MAP4: variants seen among roughly 807,000 people sequenced by gnomAD.
MAP4 encodes the protein microtubule associated protein 4.
Under a neutral mutation model 170.2 loss-of-function variants are expected in MAP4, and 76 were observed. That is an observed-to-expected ratio of 0.45 (90% CI 0.37 to 0.54). The LOEUF (loss-of-function observed/expected upper bound fraction) is 0.54, where lower values mean the gene tolerates loss of function less well. Among genes scored for constraint, MAP4 ranks in the 20% least tolerant of loss-of-function variants. The probability of loss-of-function intolerance (pLI) is 0.00; values close to 1 mark genes in which losing one functional copy is unlikely to be tolerated. For synonymous variants in MAP4, 909 were observed against 994.5 expected (o/e 0.91, Z 1.62); for missense variants, 2,506 against 2,748.0 (o/e 0.91, Z 1.97).
intron 6 of MAP4, among the ~76,000 whole-genome samples, chr3:47,917,865 TGA>T (rs1233307950): frequency 6.6e-6 from 1 of 152,200 alleles, no homozygotes; most frequent in African/African-American, 2.4e-5. Context: ...TTTTGTTTTT[TGA>T]GACACGGTCT....
chr3:48,004,416 A>C (rs1437117047), intron 1 of MAP4, among the ~76,000 whole-genome samples: 2 of 152,348 alleles, frequency 1.3e-5, no homozygotes, highest in East Asian at 3.9e-4. Flanking sequence ...GTGGAAAACC[A>C]ACGAACATAA....
At chr3:48,054,385 G>A (rs2100129501) in intron 1 of MAP4, among the ~76,000 whole-genome samples, 1 of 152,034 alleles carries the variant, frequency 6.6e-6, no homozygotes, top group South Asian at 2.1e-4. Context: ...CACTTTGGGA[G>A]GCCAAGGTGG....
rs547013794 is a variant in MAP4 at position 47,953,546 on chromosome 3, T to TA, written c.292+24318dup. Among the ~76,000 whole-genome samples the TA allele has an allele frequency of 6.1e-4, 93 of 151,922 alleles. No individual in the cohort carries two copies. In the South Asian group the frequency reaches 0.01, roughly 16 times the overall value. On this transcript the variant is annotated intron_variant, in intron 3 of 20. Transcript: ENST00000683076. ...CTAAATAAATAAATAAAACTTTCTT[T>TA]AAAAAAGAGTCCACTATGTTTAATG...
intron 1 of MAP4, among the ~76,000 whole-genome samples, chr3:48,073,276 C>T (rs1029097157): frequency 6.6e-5 from 10 of 150,424 alleles, no homozygotes; most frequent in Non-Finnish European, 1.3e-4. Context: ...CACACACACA[C>T]ACACACACAC....
chr3:47,963,573 C>T (rs1270237231), intron 3 of MAP4, among the ~76,000 whole-genome samples: 4 of 152,162 alleles, frequency 2.6e-5, no homozygotes, highest in African/African-American at 9.7e-5. Flanking sequence ...AGAATTATTA[C>T]GATTGTATCT....
At chr3:47,976,343 A>G (rs182231572) in intron 3 of MAP4, among the ~76,000 whole-genome samples, 3 of 152,258 alleles carry the variant, frequency 2.0e-5, no homozygotes, top group Admixed American at 2.0e-4. Flanking sequence ...TGCTACACAG[A>G]GTTTGAGTCT....
intron 1 of MAP4, among the ~76,000 whole-genome samples, chr3:48,028,813 T>C (rs1002273583): frequency 6.7e-6 from 1 of 149,618 alleles, no homozygotes; most frequent in Non-Finnish European, 1.5e-5. Flanking sequence ...GTAATTCCTT[T>C]AGAACATAAT....
intron 19 of MAP4, among the ~76,000 whole-genome samples, chr3:47,854,324 C>T (rs2149702374): frequency 6.6e-6 from 1 of 152,210 alleles, no homozygotes; most frequent in East Asian, 1.9e-4. Flanking sequence ...AACTGAGAGC[C>T]TGTGGCAGCA....
chr3:47,858,133 C>T (rs2059678403), intron 17 of MAP4, among the ~76,000 whole-genome samples: 1 of 151,626 alleles, frequency 6.6e-6, no homozygotes, highest in African/African-American at 2.4e-5. Flanking sequence ...TCTGCCTCAG[C>T]CTCTGGAGTA....
chr3:47,916,858 G>A lies in MAP4; in HGVS notation c.969C>T (p.Pro323=). Residue 323 remains proline (P), a synonymous_variant, in exon 7 of 21, where the codon CCC becomes CCT. Coordinates refer to ENST00000683076, the MANE Select transcript of MAP4 (RefSeq NM_001385682.1). ...TGGCTGAAGATACATCTGTTTCTGT[G>A]GGCCATCTGACATCCTTAACCAGGG... ...EVALVKDVRW[P]TETDVSSAKN... The A allele has an allele frequency of 1.2e-6, 2 of 1,614,182 alleles. No individual in the cohort carries two copies. Among genetic ancestry groups the A allele is most frequent in the South Asian group, 2.2e-5 (2 of 91,078 alleles).
intron 3 of MAP4, among the ~76,000 whole-genome samples, chr3:47,967,099 G>A (rs2100075568): frequency 6.6e-6 from 1 of 152,348 alleles, no homozygotes; most frequent in East Asian, 1.9e-4. Context: ...CACTTTGGGA[G>A]GCCGAGGCGG....
rs535341564 is a variant in MAP4, at chr3:47,908,665, C to G, written c.5383+373G>C. 5.9e-5 allele frequency among the ~76,000 whole-genome samples: 9 copies of G among 152,204 alleles called. No homozygotes were observed. The South Asian group carries it at 1.9e-3, about 32-fold the overall frequency. ...AAATATTTTCTTTCCTCCTGTGAAT[C>G]CTTATACCAAGTAATGATTAAAATT... On this transcript the variant is annotated intron_variant, in intron 9 of 20. Coordinates refer to ENST00000683076, the MANE Select transcript of MAP4 (RefSeq NM_001385682.1).
intron 1 of MAP4, among the ~76,000 whole-genome samples, chr3:48,073,919 A>C (rs1265374073): frequency 6.6e-6 from 1 of 152,168 alleles, no homozygotes; most frequent in Admixed American, 6.6e-5. Context: ...AGGATCTAGA[A>C]CTAGAAATAC....
At chr3:47,996,461 C>A (rs1289163616) in intron 2 of MAP4, among the ~76,000 whole-genome samples, 1 of 152,108 alleles carries the variant, frequency 6.6e-6, no homozygotes, top group Non-Finnish European at 1.5e-5. Flanking sequence ...GACAAGGACC[C>A]CTCTGAGGCA....
intron 10 of MAP4, among the ~76,000 whole-genome samples, chr3:47,885,049 TA>T: frequency 6.6e-6 from 1 of 152,286 alleles, no homozygotes; most frequent in South Asian, 2.1e-4. Context: ...TGGGGATGGG[TA>T]GTGAAACAGG....
intron 1 of MAP4, among the ~76,000 whole-genome samples, chr3:48,029,441 A>G (rs1007823283): frequency 6.6e-6 from 1 of 152,126 alleles, no homozygotes; most frequent in African/African-American, 2.4e-5. Flanking sequence ...GTCTCTAAAT[A>G]AATAAATAAG....
intron 1 of MAP4, among the ~76,000 whole-genome samples, chr3:48,083,341 A>G (rs2100147519): frequency 1.3e-5 from 2 of 152,200 alleles, no homozygotes; most frequent in Admixed American, 6.6e-5. Context: ...ACTATTTTCC[A>G]TATAAAAAGA....
intron 1 of MAP4, among the ~76,000 whole-genome samples, chr3:48,012,820 C>T (rs1293050076): frequency 6.6e-6 from 1 of 152,156 alleles, no homozygotes; most frequent in Non-Finnish European, 1.5e-5. Flanking sequence ...TAGCTAGCCA[C>T]TTAGCATCTG....
intron 3 of MAP4, among the ~76,000 whole-genome samples, chr3:47,963,478 T>TG (rs2100072919): frequency 6.6e-6 from 1 of 152,222 alleles, no homozygotes. Flanking sequence ...AGCTAGTAGG[T>TG]GCTCTATCCA....
Sources: gnomAD v4.1 joint callset for allele counts (sites outside exome capture counted in the v4.1 genomes callset) on GRCh38, gnomAD v4.1.1 for gene constraint, MANE v1.5 for transcripts, NCBI Gene and HGNC (gene_info 2026-07-23, HGNC 2026-07-21) for gene names.